The following PTPRT variants were observed in gnomAD, a reference collection of about 807,000 sequenced individuals.
PTPRT encodes receptor-type tyrosine-protein phosphatase T.
In PTPRT, 56 loss-of-function variants were observed where a neutral mutation model predicts 176.8. The observed-to-expected ratio is 0.32, with a 90% CI of 0.26 to 0.40. The LOEUF (loss-of-function observed/expected upper bound fraction) is 0.40. Ranked by LOEUF, PTPRT falls within the 10% of genes least tolerant of loss-of-function variation. The pLI is 1.00. For missense variants in PTPRT, 1,540 were observed against 1,908.2 expected (o/e 0.81, Z 3.60); for synonymous variants, 783 against 739.0 (o/e 1.06, Z -0.96).
At chr20:42,324,983 T>C (rs961783721) in intron 11 of PTPRT, among the ~76,000 whole-genome samples, 4 of 152,248 alleles carry the variant, frequency 2.6e-5, no homozygotes, top group East Asian at 3.8e-4. Context: ...CTTTTATACA[T>C]TTATTCATCA....
intron 7 of PTPRT, among the ~76,000 whole-genome samples, chr20:42,670,867 G>A (rs2075400891): frequency 6.6e-6 from 1 of 152,208 alleles, no homozygotes; most frequent in Non-Finnish European, 1.5e-5. Flanking sequence ...AATGTCTGGG[G>A]ATTAAGTGAG....
intron 18 of PTPRT, among the ~76,000 whole-genome samples, chr20:42,130,439 T>C (rs75128364): frequency 0.032 from 4,836 of 152,228 alleles, 245 homozygotes; most frequent in African/African-American, 0.11. Flanking sequence ...GTAGTTGTAA[T>C]ACCCTGGCTT....
Position 42,077,189 on chromosome 20 carries a change from G to C in PTPRT, c.*3690C>G, listed in dbSNP as rs868317743. 5.4e-5 allele frequency: 10 copies of C among 184,424 alleles called. No homozygotes were observed. Among genetic ancestry groups the C allele is most frequent in the Middle Eastern group, 2.0e-3 (1 of 506 alleles). The allele number at this position is 184,424 out of a possible 1,614,324, so 11.4% of individuals were successfully genotyped here. On this transcript the variant is annotated 3_prime_UTR_variant, in exon 31 of 31. Coordinates refer to ENST00000373187, the MANE Select transcript of PTPRT (RefSeq NM_007050.6). The stretch of plus-strand genomic sequence containing the variant: ...CCTTTGCAGGCCACACCCACAGAGA[G>C]GGCCAGCACTAAAAGCAAACTGTCC...
chr20:42,246,125 C>G (rs2056445982), intron 14 of PTPRT, among the ~76,000 whole-genome samples: 1 of 152,012 alleles, frequency 6.6e-6, no homozygotes, highest in Admixed American at 6.5e-5. Context: ...GTAGCAGACT[C>G]AATTGATCAG....
At chr20:42,644,497 A>G (rs906785174) in intron 7 of PTPRT, among the ~76,000 whole-genome samples, 3 of 152,118 alleles carry the variant, frequency 2.0e-5, no homozygotes, top group Admixed American at 2.0e-4. Flanking sequence ...TATGCTCTTC[A>G]TCACTAGGTT....
rs1569038436 is a variant in PTPRT at position 42,634,020 on chromosome 20, ATAATATATAT to A, written c.1153+43836_1153+43845del. 5.1e-3 allele frequency among the ~76,000 whole-genome samples: 144 copies of A among 28,146 alleles called. 3 individuals carry two copies. Among genetic ancestry groups the A allele is most frequent in the Non-Finnish European group, 7.4e-3 (131 of 17,748 alleles). The allele number at this position is 28,146 out of a possible 152,430, so 18.5% of individuals were successfully genotyped here. A position where few individuals can be genotyped will look rare whatever the true frequency, so the allele number is the denominator to read the frequency against. On this transcript the variant is annotated intron_variant, in intron 7 of 30. Coordinates refer to ENST00000373187, the MANE Select transcript of PTPRT (RefSeq NM_007050.6). ...TATATTATATATATATAATATATAT[ATAATATATAT>A]ATTATATATATTATATATATATTAT... is the stretch of plus-strand genomic sequence containing the variant.
intron 1 of PTPRT, among the ~76,000 whole-genome samples, chr20:42,930,270 A>C (rs1254711893): frequency 1.3e-5 from 2 of 152,120 alleles, no homozygotes; most frequent in Non-Finnish European, 2.9e-5. Flanking sequence ...TCTGATGCCA[A>C]CATCATCATC....
chr20:42,048,725 G>T, the PTPRT span, among the ~76,000 whole-genome samples: 1 of 152,154 alleles, frequency 6.6e-6, no homozygotes, highest in South Asian at 2.1e-4. Context: ...GCATGAAGGG[G>T]TATGACAAGT....
intron 17 of PTPRT, among the ~76,000 whole-genome samples, chr20:42,147,039 C>A (rs1988898598): frequency 6.6e-6 from 1 of 152,154 alleles, no homozygotes. Context: ...CCAGGTAAAG[C>A]CAGTTACTTC....
chr20:42,846,161 C>T (rs2078367281), intron 2 of PTPRT, among the ~76,000 whole-genome samples: 1 of 152,144 alleles, frequency 6.6e-6, no homozygotes, highest in Non-Finnish European at 1.5e-5. Context: ...TAAGGTCACT[C>T]GCCATGCTTT....
At position 42,377,462 on chromosome 20, in the gene PTPRT, G is replaced by A. The variant is rs190309022; in HGVS notation, c.1561-25177C>T. ...CAGTGTTTTGCAAGCTTTAACTTACGACCAAACTGAACTCTGATTCAGTAG... is the reference window on the plus strand; with the variant it reads ...CAGTGTTTTGCAAGCTTTAACTTACAACCAAACTGAACTCTGATTCAGTAG... On this transcript the variant is annotated intron_variant, in intron 9 of 30. Coordinates refer to ENST00000373187, the MANE Select transcript of PTPRT (RefSeq NM_007050.6). Among the ~76,000 whole-genome samples, 254 of 152,272 alleles carry A rather than the reference G, an allele frequency of 1.7e-3. 2 individuals carry two copies. Among genetic ancestry groups the A allele is most frequent in the African/African-American group, 4.8e-3 (198 of 41,568 alleles).
At chr20:42,832,140 T>C (rs3092483) in intron 2 of PTPRT, among the ~76,000 whole-genome samples, 13,014 of 152,166 alleles carry the variant, frequency 0.086, 696 homozygotes, top group Admixed American at 0.15. Flanking sequence ...GTGCCCTAGA[T>C]TGGATGAAGA....
At chr20:42,832,024 T>C (rs965067615) in intron 2 of PTPRT, among the ~76,000 whole-genome samples, 7 of 152,256 alleles carry the variant, frequency 4.6e-5, no homozygotes, top group Admixed American at 2.6e-4. Flanking sequence ...GTCCCATTAC[T>C]GGGTATACAC....
intron 9 of PTPRT, among the ~76,000 whole-genome samples, chr20:42,360,421 C>G (rs1390375467): frequency 1.3e-5 from 2 of 152,192 alleles, no homozygotes; most frequent in African/African-American, 4.8e-5. Flanking sequence ...GGGCCACCAT[C>G]AACTCAGACG....
chr20:42,934,676 G>A (rs1980062077), intron 1 of PTPRT, among the ~76,000 whole-genome samples: 1 of 152,180 alleles, frequency 6.6e-6, no homozygotes. Flanking sequence ...CTTGCCTTGT[G>A]AGTGTCGCTA....
chr20:42,961,385 T>G (rs928630715), intron 1 of PTPRT, among the ~76,000 whole-genome samples: 12 of 152,192 alleles, frequency 7.9e-5, no homozygotes, highest in Non-Finnish European at 1.3e-4. Context: ...TCAGAGATGT[T>G]GGATATTTTA....
At chr20:42,335,588 C>T (rs1274992647) in intron 11 of PTPRT, among the ~76,000 whole-genome samples, 1 of 151,966 alleles carries the variant, frequency 6.6e-6, no homozygotes, top group Non-Finnish European at 1.5e-5. Context: ...ATTCAAAGAA[C>T]AGTAAGTAGC....
chr20:42,835,621 G>C (rs1478996940), intron 2 of PTPRT, among the ~76,000 whole-genome samples: 4 of 152,080 alleles, frequency 2.6e-5, no homozygotes, highest in African/African-American at 9.7e-5. Flanking sequence ...TTTTAAAACT[G>C]TTCTAGACAA....
In PTPRT at chr20:42,165,436, C is replaced by A. The variant is rs552155314; in HGVS notation, c.2492-3894G>T. 2.0e-5 allele frequency among the ~76,000 whole-genome samples: 3 copies of A among 152,254 alleles called. No individual in the cohort carries two copies. In the South Asian group the frequency reaches 6.2e-4, roughly 32 times the overall value. On this transcript the variant is annotated intron_variant, in intron 16 of 30. Coordinates refer to ENST00000373187, the MANE Select transcript of PTPRT (RefSeq NM_007050.6). ...TGAATAAGCCTAAGATAGGAAGAGACAGGCCCCTAAGAGATGGAAGAAGGA... is the reference window on the plus strand; with the variant it reads ...TGAATAAGCCTAAGATAGGAAGAGAAAGGCCCCTAAGAGATGGAAGAAGGA...
Sources: gnomAD v4.1 joint callset for allele counts (sites outside exome capture counted in the v4.1 genomes callset) on GRCh38, gnomAD v4.1.1 for gene constraint, MANE v1.5 for transcripts, NCBI Gene and HGNC (gene_info 2026-07-23, HGNC 2026-07-21) for gene names.